Variants in GPR161 observed in about 807,000 individuals in gnomAD.
GPR161 encodes the protein G protein-coupled receptor 161.
GPR161 carries 25 observed loss-of-function variants against 39.2 expected under a neutral mutation model. That is an observed-to-expected ratio of 0.64 (90% CI 0.47 to 0.89). The LOEUF (loss-of-function observed/expected upper bound fraction) is 0.89, where lower values mean the gene tolerates loss of function less well. GPR161 is among the 40% of genes least tolerant of loss of function. GPR161 has a pLI of 0.00. For synonymous variants in GPR161, 286 were observed against 276.6 expected, an observed-to-expected ratio of 1.03 and a Z score of -0.34; for missense variants, 547 against 677.8, an observed-to-expected ratio of 0.81 and a Z score of 2.14.
chr1:168,093,603 T>C (rs1259261120), intron 3 of GPR161, among the ~76,000 whole-genome samples: 1 of 152,254 alleles, frequency 6.6e-6, no homozygotes, highest in Non-Finnish European at 1.5e-5. Context: ...AGCCTCCAAG[T>C]TGCTTCTTGC....
chr1:168,125,636 T>C (rs1698532671), intron 1 of GPR161, among the ~76,000 whole-genome samples: 1 of 151,628 alleles, frequency 6.6e-6, no homozygotes, highest in South Asian at 2.1e-4. Context: ...TTTTTTTTTT[T>C]TGAGACAGTC....
At chr1:168,137,231 C>T, upstream of GPR161, 1 of 1,472,682 alleles carries the variant, frequency 6.8e-7, no homozygotes, top group Non-Finnish European at 9.0e-7. Context: ...TTCCCTGTTC[C>T]CGTTCCTCCG....
At chr1:168,096,442 G>A in intron 3 of GPR161, 66 bp downstream of exon 3, 1 of 1,516,078 alleles carries the variant, frequency 6.6e-7, no homozygotes, top group African/African-American at 1.4e-5. Flanking sequence ...AAACAGGCCA[G>A]AGTGGCTGAG....
At chr1:168,096,375 C>G in intron 3 of GPR161, 133 bp downstream of exon 3, 1 of 913,958 alleles carries the variant, frequency 1.1e-6, no homozygotes, top group Non-Finnish European at 1.7e-6. Context: ...AATGTTTCTT[C>G]CGAAAGGAAA....
chr1:168,090,453 G>T, intron 4 of GPR161, 111 bp downstream of exon 4: 1 of 583,530 alleles, frequency 1.7e-6, no homozygotes, highest in Non-Finnish European at 3.1e-6. Context: ...ACCCACCGTG[G>T]GAAATGCCCC....
chr1:168,131,137 C>T (rs1209886310), intron 1 of GPR161, among the ~76,000 whole-genome samples: 1 of 152,198 alleles, frequency 6.6e-6, no homozygotes, highest in Non-Finnish European at 1.5e-5. Flanking sequence ...ACTGCCACTA[C>T]CCCAGCTCAG....
In GPR161 at chr1:168,104,867, C is replaced by T. The variant is rs770472020; in HGVS notation, c.-17G>A. 39 of 1,610,810 alleles carry T rather than the reference C, an allele frequency of 2.4e-5. No individual in the cohort carries two copies. The Admixed American group carries it at 3.2e-4, about 13-fold the overall frequency. On this transcript the variant is annotated 5_prime_UTR_variant, in exon 2 of 6. Transcript: ENST00000682931. ...GAGGCTCATGGTCAGTGCACCTCGG[C>T]GTGGGGTGGGCAGAGCATGCTGGAC...
chr1:168,137,288 A>G (rs1699463098), upstream of GPR161: 48 of 1,519,306 alleles, frequency 3.2e-5, no homozygotes, highest in South Asian at 5.3e-4. Context: ...GTCTCTCTCC[A>G]TCACACAGAC....
chr1:168,088,414 A>G (rs975038173), intron 4 of GPR161: 3 of 152,240 alleles, frequency 2.0e-5, no homozygotes, highest in African/African-American at 7.2e-5. Flanking sequence ...TGAAGCTCAG[A>G]AAATAAGGAA....
At chr1:168,097,285 C>A in intron 2 of GPR161, 53 bp from the exon 3 acceptor site, 3 of 1,549,728 alleles carry the variant, frequency 1.9e-6, no homozygotes, top group South Asian at 1.2e-5. Flanking sequence ...AGAGAGAAAA[C>A]CGCTGCCTTC....
Position 168,082,530 on chromosome 1 carries a change from A to G in GPR161, c.*3001T>C, listed in dbSNP as rs1448689346. Reference sequence around the variant, plus strand: ...TGTGCTCTGTAATGTGGGACTCCCAATGCCTTCTGGGTCAAAACAACCCCA... The same window carrying G: ...TGTGCTCTGTAATGTGGGACTCCCAGTGCCTTCTGGGTCAAAACAACCCCA... On this transcript the variant is annotated 3_prime_UTR_variant, in exon 6 of 6. Transcript: ENST00000682931. 2.6e-5 allele frequency: 4 copies of G among 152,312 alleles called. No individual in the cohort carries two copies. The highest frequency in any genetic ancestry group is 2.1e-4 in the South Asian group (1 of 4,830). The allele number at this position is 152,312 out of a possible 1,614,324, so 9.4% of individuals were successfully genotyped here.
chr1:168,109,150 G>A lies in GPR161; in HGVS notation c.-44-4256C>T, dbSNP rs1572325218. Among the ~76,000 whole-genome samples, 9 of 152,274 alleles carry A rather than the reference G, an allele frequency of 5.9e-5. No individual in the cohort carries two copies. In the South Asian group the frequency reaches 1.9e-3, roughly 32 times the overall value. On this transcript the variant is annotated intron_variant, in intron 1 of 5. Coordinates refer to ENST00000682931, the MANE Select transcript of GPR161 (RefSeq NM_001375883.1). ...ACAAGACTAGGAAGCACTTCACAAGGTATAATGACTTTATCCAAGCAAAGG... is the reference window on the plus strand; with the variant it reads ...ACAAGACTAGGAAGCACTTCACAAGATATAATGACTTTATCCAAGCAAAGG...
chr1:168,086,018 A>G (rs2102090483), intron 5 of GPR161, among the ~76,000 whole-genome samples: 2 of 152,364 alleles, frequency 1.3e-5, no homozygotes, highest in Middle Eastern at 6.8e-3. Context: ...CCTCATCTGT[A>G]AAGAGAAGAT....
chr1:168,104,734 A>T lies in GPR161; in HGVS notation c.117T>A (p.Ile39=). Residue 39 remains isoleucine, a synonymous_variant, in exon 2 of 6, where the codon ATT becomes ATA. Transcript: ENST00000682931. ...TQFIAIIVIT[I]FVCLGNLVIV... is the part of the protein sequence containing the mutation. ...TGACCAGGTTTCCCAGGCAGACAAA[A>T]ATGGTGATGACAATGATGGCGATGA... 2 of 1,613,910 alleles carry T rather than the reference A, an allele frequency of 1.2e-6. No individual in the cohort carries two copies. Among genetic ancestry groups the T allele is most frequent in the Non-Finnish European group, 1.7e-6 (2 of 1,179,984 alleles).
chr1:168,137,069 C>A, upstream of GPR161: 1 of 1,006,806 alleles, frequency 9.9e-7, no homozygotes, highest in Non-Finnish European at 1.2e-6. Flanking sequence ...CCACCCGCGC[C>A]CCTTCCTTCG....
Position 168,090,640 on chromosome 1 carries a change from C to A in GPR161, c.1128G>T (p.Ala376=). Residue 376 remains alanine (A), a synonymous_variant, in exon 4 of 6, where the codon GCG becomes GCT. Coordinates refer to ENST00000682931, the MANE Select transcript of GPR161 (RefSeq NM_001375883.1). ...TDLGLSPHLT[A]LMAGGQPLGH... is the part of the protein sequence containing the mutation. ...CCAGGGGCTGTCCACCTGCCATGAG[C>A]GCAGTGAGGTGTGGGGACAGGCCCA... is the stretch of plus-strand genomic sequence containing the variant. The A allele has an allele frequency of 6.2e-7, 1 of 1,611,062 alleles. No homozygotes were observed. The highest frequency in any genetic ancestry group is 8.5e-7 in the Non-Finnish European group (1 of 1,177,484).
At chr1:168,134,090 C>T (rs926427163) in intron 1 of GPR161, among the ~76,000 whole-genome samples, 1 of 152,058 alleles carries the variant, frequency 6.6e-6, no homozygotes, top group Non-Finnish European at 1.5e-5. Context: ...CATTATTTAC[C>T]TAAGGTCACA....
chr1:168,091,105 C>G (rs1695017152), intron 3 of GPR161, among the ~76,000 whole-genome samples: 1 of 152,180 alleles, frequency 6.6e-6, no homozygotes, highest in African/African-American at 2.4e-5. Context: ...TTTTTGTAAG[C>G]TGGAAAGCAG....
At chr1:168,094,318 C>T (rs554112959) in intron 3 of GPR161, among the ~76,000 whole-genome samples, 1 of 152,114 alleles carries the variant, frequency 6.6e-6, no homozygotes, top group South Asian at 2.1e-4. Flanking sequence ...AAAATCTGGA[C>T]TAATACATTA....
Sources: allele counts gnomAD v4.1 joint callset (sites outside exome capture counted in the v4.1 genomes callset), GRCh38; gene constraint gnomAD v4.1.1; transcripts MANE v1.5; gene names NCBI Gene and HGNC (gene_info 2026-07-23, HGNC 2026-07-21).